Variants in RAD51B observed in about 807,000 individuals in gnomAD.
RAD51B encodes the protein RAD51 paralog B.
In RAD51B, 38 loss-of-function variants were observed where a neutral mutation model predicts 42.2. That is an observed-to-expected ratio of 0.90 (90% confidence interval 0.70 to 1.18). RAD51B has a LOEUF of 1.18. Ranked by LOEUF, RAD51B falls within the 50% of genes most tolerant of loss-of-function variation. RAD51B has a pLI of 0.00. For missense variants in RAD51B, 373 were observed against 400.7 expected (o/e 0.93, Z 0.59); for synonymous variants, 154 against 145.2 (o/e 1.06, Z -0.43).
At chr14:68,006,454 T>C (rs1459434190) in intron 7 of RAD51B, among the ~76,000 whole-genome samples, 2 of 152,158 alleles carry the variant, frequency 1.3e-5, no homozygotes, top group African/African-American at 4.8e-5. Flanking sequence ...CTATTTTTGG[T>C]ATCCTTTCAA....
rs564042043 is a variant in RAD51B at position 68,673,400 on chromosome 14, C to T, written c.*11+22544C>T. 2.5e-5 allele frequency among the ~76,000 whole-genome samples: 3 copies of T among 118,770 alleles called. No individual in the cohort carries two copies. The South Asian group carries it at 7.8e-4, about 31-fold the overall frequency. The allele number at this position is 118,770 out of a possible 152,430, so 77.9% of individuals were successfully genotyped here. A position where few individuals can be genotyped will look rare whatever the true frequency, so the allele number is the denominator to read the frequency against. On this transcript the variant is annotated intron_variant, in intron 11 of 11. Transcript: ENST00000488612. ...ACACACAAATATATACATGCACACA[C>T]ATACACACACATACTGTATGCAAAC...
At chr14:67,865,236 C>A in intron 5 of RAD51B, 97 bp downstream of exon 5, 3 of 1,173,306 alleles carry the variant, frequency 2.6e-6, no homozygotes, top group Non-Finnish European at 3.3e-6. Context: ...ACCCCTCCCC[C>A]TTGCCTTTTT....
intron 7 of RAD51B, among the ~76,000 whole-genome samples, chr14:68,093,591 TTTC>T (rs1366625389): frequency 9.2e-5 from 14 of 152,178 alleles, no homozygotes; most frequent in African/African-American, 2.2e-4. Context: ...TCATCTCTTT[TTTC>T]TTCTTTATTA....
At chr14:67,844,959 AT>A (rs2041561547) in intron 4 of RAD51B, among the ~76,000 whole-genome samples, 1 of 151,894 alleles carries the variant, frequency 6.6e-6, no homozygotes, top group African/African-American at 2.4e-5. Context: ...TGCTTGGTAG[AT>A]TTTTCTCTAT....
intron 9 of RAD51B, among the ~76,000 whole-genome samples, chr14:68,463,225 G>C (rs978002722): frequency 1.3e-5 from 2 of 152,094 alleles, no homozygotes; most frequent in African/African-American, 4.8e-5. Context: ...GGGTCATGGG[G>C]CATTAATTCA....
At chr14:68,261,971 CTGTT>C (rs1416869312) in intron 7 of RAD51B, among the ~76,000 whole-genome samples, 1 of 151,280 alleles carries the variant, frequency 6.6e-6, no homozygotes, top group African/African-American at 2.4e-5. Context: ...CTGGGTGAGA[CTGTT>C]TGTACTAGTA....
At chr14:67,962,598 G>T (rs550643215) in intron 7 of RAD51B, among the ~76,000 whole-genome samples, 7 of 152,286 alleles carry the variant, frequency 4.6e-5, no homozygotes, top group African/African-American at 1.4e-4. Context: ...AGTGTACCCA[G>T]CCAAGTTGTT....
chr14:67,855,270 G>A (rs1042271203), intron 4 of RAD51B, among the ~76,000 whole-genome samples: 1 of 151,288 alleles, frequency 6.6e-6, no homozygotes, highest in Non-Finnish European at 1.5e-5. Context: ...TTGCTCTGTT[G>A]CACAGGCTGG....
At chr14:68,011,025 A>G (rs1730034605) in intron 7 of RAD51B, among the ~76,000 whole-genome samples, 1 of 151,946 alleles carries the variant, frequency 6.6e-6, no homozygotes, top group Admixed American at 6.6e-5. Context: ...CAAAATAGTG[A>G]AAAAAATCAG....
At chr14:68,405,574 A>C (rs1416218174) in intron 8 of RAD51B, among the ~76,000 whole-genome samples, 1 of 152,164 alleles carries the variant, frequency 6.6e-6, no homozygotes, top group Non-Finnish European at 1.5e-5. Context: ...TCTATAGTAG[A>C]CTACAGTCAA....
intron 7 of RAD51B, among the ~76,000 whole-genome samples, chr14:67,893,539 T>C (rs2043305590): frequency 1.4e-5 from 2 of 147,458 alleles, no homozygotes; most frequent in African/African-American, 2.5e-5. Flanking sequence ...GGTGTGGTGC[T>C]ACACACCTGT....
downstream of RAD51B, chr14:68,611,648 G>C (rs1891685209): frequency 3.3e-6 from 1 of 304,922 alleles, no homozygotes; most frequent in Non-Finnish European, 6.2e-6. Context: ...ATCTGCATGA[G>C]TGTGCACACT....
At chr14:67,929,875 C>G (rs1393703773) in intron 7 of RAD51B, among the ~76,000 whole-genome samples, 2 of 151,222 alleles carry the variant, frequency 1.3e-5, no homozygotes, top group African/African-American at 4.9e-5. Flanking sequence ...GTCTTGAGCT[C>G]CTGGCCTCAA....
At chr14:68,195,187 G>T (rs1445067519) in intron 7 of RAD51B, among the ~76,000 whole-genome samples, 1 of 152,126 alleles carries the variant, frequency 6.6e-6, no homozygotes, top group Non-Finnish European at 1.5e-5. Context: ...TACAATTTTA[G>T]TTAGATTTAC....
intron 11 of RAD51B, among the ~76,000 whole-genome samples, chr14:68,672,739 A>G (rs1316834825): frequency 6.6e-6 from 1 of 152,226 alleles, no homozygotes; most frequent in African/African-American, 2.4e-5. Context: ...CCCATCGATC[A>G]TAAGAGATGG....
chr14:68,395,488 C>T (rs1028106536), intron 8 of RAD51B, among the ~76,000 whole-genome samples: 2 of 152,142 alleles, frequency 1.3e-5, no homozygotes, highest in African/African-American at 4.8e-5. Context: ...CAGGCACTTG[C>T]CTCTTTAAAG....
At chr14:67,996,382 G>A (rs2075384290) in intron 7 of RAD51B, among the ~76,000 whole-genome samples, 1 of 151,418 alleles carries the variant, frequency 6.6e-6, no homozygotes, top group Non-Finnish European at 1.5e-5. Flanking sequence ...TGTTGACAGA[G>A]TGAGATTCTT....
At chr14:68,481,656 G>T (rs542603128), downstream of RAD51B, among the ~76,000 whole-genome samples, 5 of 152,316 alleles carry the variant, frequency 3.3e-5, no homozygotes, top group Admixed American at 3.3e-4. Flanking sequence ...TACAGATGAG[G>T]AACTGAAGCA....
In RAD51B at chr14:68,367,729, A is replaced by G. The variant is rs17105480; in HGVS notation, c.854-43695A>G. Among the ~76,000 whole-genome samples, 598 of 152,342 alleles carry G rather than the reference A, an allele frequency of 3.9e-3. 6 individuals are homozygous for G. The highest frequency in any genetic ancestry group is 0.014 in the African/African-American group (571 of 41,576). ...CTGGCCTGGTGATTAATCGGCCCAG[A>G]TAAAAGAGGTAGGCTAACACTGTTA... On this transcript the variant is annotated intron_variant, in intron 8 of 10. Transcript: ENST00000471583.
Sources: gnomAD v4.1 joint callset for allele counts (sites outside exome capture counted in the v4.1 genomes callset) on GRCh38, gnomAD v4.1.1 for gene constraint, MANE v1.5 for transcripts, NCBI Gene and HGNC (gene_info 2026-07-23, HGNC 2026-07-21) for gene names.